The following UQCRB variants were observed in gnomAD, a reference collection of about 807,000 sequenced individuals.
The protein encoded by UQCRB is ubiquinol-cytochrome c reductase binding protein.
UQCRB carries 12 observed loss-of-function variants against 19.8 expected under a neutral mutation model. The observed-to-expected ratio is 0.61, with a 90% CI of 0.39 to 0.98. The LOEUF (loss-of-function observed/expected upper bound fraction) is 0.98, where lower values mean the gene tolerates loss of function less well. UQCRB is among the 50% of genes least tolerant of loss of function. The probability of loss-of-function intolerance (pLI) is 0.00; values close to 1 mark genes in which losing one functional copy is unlikely to be tolerated. For synonymous variants in UQCRB, 39 were observed against 42.9 expected (o/e 0.91, Z 0.35); for missense variants, 142 against 131.8 (o/e 1.08, Z -0.38).
chr8:96,223,936 G>A lies in UQCRB; in HGVS notation c.*7119C>T, dbSNP rs1388297896. On this transcript the variant is annotated 3_prime_UTR_variant, in exon 4 of 4. Coordinates refer to ENST00000287022, the MANE Select transcript of UQCRB (RefSeq NM_006294.5). ...GTGGGGGTGGTAGAAGCCAGGCTTT[G>A]GAAGGCCACTCCCTTCAACTGGAAC... Among the ~76,000 whole-genome samples, 2 of 152,154 alleles carry A rather than the reference G, an allele frequency of 1.3e-5. No individual in the cohort carries two copies. Among genetic ancestry groups the A allele is most frequent in the Admixed American group, 1.3e-4 (2 of 15,284 alleles).
At chr8:96,233,423 T>C in intron 1 of UQCRB, 196 bp from the exon 2 acceptor site, 1 of 560,664 alleles carries the variant, frequency 1.8e-6, no homozygotes, top group Non-Finnish European at 3.1e-6. Context: ...TTATACTCTA[T>C]AAAATGTTGA....
chr8:96,223,682 G>A lies in UQCRB; in HGVS notation c.*7373C>T, dbSNP rs573620282. 1.9e-4 allele frequency among the ~76,000 whole-genome samples: 29 copies of A among 152,176 alleles called. No individual in the cohort carries two copies. The highest frequency in any genetic ancestry group is 3.7e-4 in the Non-Finnish European group (25 of 68,034). On this transcript the variant is annotated 3_prime_UTR_variant, in exon 4 of 4. Transcript: ENST00000287022. ...GGTGAGGATTGCAAGTGCCATTGCA[G>A]GGGACTGAGAATAGAAGGAAAAAAG...
Position 96,229,734 on chromosome 8 carries a change from G to C in UQCRB, c.*1321C>G, listed in dbSNP as rs1342972371. ...CAAAAGAAAATTGACATGATTTCAG[G>C]ATAGGTTTAGAAAAATAACGACCAG... On this transcript the variant is annotated 3_prime_UTR_variant, in exon 4 of 4. Transcript: ENST00000287022. 1 of 450,672 alleles carries C rather than the reference G, an allele frequency of 2.2e-6. No individual in the cohort carries two copies. Among genetic ancestry groups the C allele is most frequent in the Non-Finnish European group, 4.4e-6 (1 of 226,194 alleles). The allele number at this position is 450,672 out of a possible 1,614,324, so 27.9% of individuals were successfully genotyped here.
Position 96,226,374 on chromosome 8 carries a change from G to C in UQCRB, c.*4681C>G. 6.1e-6 allele frequency: 1 copy of C among 165,082 alleles called. No individual in the cohort carries two copies. Among genetic ancestry groups the C allele is most frequent in the South Asian group, 1.6e-4 (1 of 6,134 alleles). The allele number at this position is 165,082 out of a possible 1,614,324, so 10.2% of individuals were successfully genotyped here. The stretch of plus-strand genomic sequence containing the variant: ...AATAAAGAGCGTAAGTTAAATCACA[G>C]ACCCAGAATGTTTTGGTACTGAAAT... On this transcript the variant is annotated 3_prime_UTR_variant, in exon 4 of 4. Transcript: ENST00000287022.
In UQCRB at chr8:96,229,937, C is replaced by CCA; in HGVS notation, c.*1116_*1117dup. ...TGTTATTTGAGGTAAGGCATTCCTG[C>CCA]CACACACAGCAATGACTTGTCCTGG... On this transcript the variant is annotated 3_prime_UTR_variant, in exon 4 of 4. Coordinates refer to ENST00000287022, the MANE Select transcript of UQCRB (RefSeq NM_006294.5). 1 of 454,090 alleles carries CCA rather than the reference C, an allele frequency of 2.2e-6. No homozygotes were observed. The highest frequency in any genetic ancestry group is 4.4e-6 in the Non-Finnish European group (1 of 226,794). The allele number at this position is 454,090 out of a possible 1,614,324, so 28.1% of individuals were successfully genotyped here. A position where few individuals can be genotyped will look rare whatever the true frequency, so the allele number is the denominator to read the frequency against.
intron 1 of UQCRB, chr8:96,234,014 G>A (rs1809739150): frequency 6.5e-6 from 1 of 153,366 alleles, no homozygotes; most frequent in African/African-American, 2.4e-5. Flanking sequence ...AAGTACAGCA[G>A]GACCGTATCT....
rs1390679370 is a variant in UQCRB at position 96,227,132 on chromosome 8, T to G, written c.*3923A>C. On this transcript the variant is annotated 3_prime_UTR_variant, in exon 4 of 4. Transcript: ENST00000287022. ...TCCTTATACAGTCATCTGGTATGTT[T>G]AAAGAGTGAGCAATCATATAAAAGG... 2.2e-6 allele frequency: 1 copy of G among 452,112 alleles called. No homozygotes were observed. The highest frequency in any genetic ancestry group is 1.6e-5 in the South Asian group (1 of 64,212). 28.0% of individuals were successfully genotyped at this position (452,112 alleles called of 1,614,324 possible). A position where few individuals can be genotyped will look rare whatever the true frequency, so the allele number is the denominator to read the frequency against.
rs1196108861 is a variant in UQCRB, at chr8:96,223,238, G to A, written c.*7817C>T. 6.6e-6 allele frequency among the ~76,000 whole-genome samples: 1 copy of A among 152,180 alleles called. No individual in the cohort carries two copies. The highest frequency in any genetic ancestry group is 1.9e-4 in the East Asian group (1 of 5,194). ...AATGGATATTTTAATTTGCTTGCCTGTAGTAATCATTTCACTATGTATATT... is the reference window on the plus strand; with the variant it reads ...AATGGATATTTTAATTTGCTTGCCTATAGTAATCATTTCACTATGTATATT... On this transcript the variant is annotated 3_prime_UTR_variant, in exon 4 of 4. Coordinates refer to ENST00000287022, the MANE Select transcript of UQCRB (RefSeq NM_006294.5).
rs139971705 is a variant in UQCRB at position 96,231,197 on chromosome 8, G to A, written c.259-65C>T. The A allele has an allele frequency of 7.4e-3, 11,912 of 1,613,596 alleles. 60 individuals carry two copies. Among genetic ancestry groups the A allele is most frequent in the Non-Finnish European group, 8.5e-3 (9,972 of 1,179,844 alleles). Reference sequence around the variant, plus strand: ...CTGATATATCCCAAACACTCAACAGGTCTTCAATAACAAGAAAAAAGCAAT... The same window carrying A: ...CTGATATATCCCAAACACTCAACAGATCTTCAATAACAAGAAAAAAGCAAT... On this transcript the variant is annotated intron_variant, in intron 3 of 3. Transcript: ENST00000287022.
At position 96,229,081 on chromosome 8, in the gene UQCRB, T is replaced by C. The variant is rs1167160810; in HGVS notation, c.*1974A>G. On this transcript the variant is annotated 3_prime_UTR_variant, in exon 4 of 4. Coordinates refer to ENST00000287022, the MANE Select transcript of UQCRB (RefSeq NM_006294.5). Reference sequence around the variant, plus strand: ...CAAGCAGGACGATAACCATAATTTATAATGAACACAAAACATTGATCTAGT... The same window carrying C: ...CAAGCAGGACGATAACCATAATTTACAATGAACACAAAACATTGATCTAGT... 1 of 453,982 alleles carries C rather than the reference T, an allele frequency of 2.2e-6. No individual in the cohort carries two copies. The highest frequency in any genetic ancestry group is 4.4e-6 in the Non-Finnish European group (1 of 226,778). 28.1% of individuals were successfully genotyped at this position (453,982 alleles called of 1,614,324 possible). A position where few individuals can be genotyped will look rare whatever the true frequency, so the allele number is the denominator to read the frequency against.
chr8:96,234,592 A>C, intron 1 of UQCRB: 61 of 1,008,512 alleles, frequency 6.0e-5, no homozygotes, highest in East Asian at 1.2e-4. Flanking sequence ...CAAAAAGCTC[A>C]ATGTCAATTA....
Position 96,227,810 on chromosome 8 carries a change from A to G in UQCRB, c.*3245T>C. ...GCTTGAAAAGGGAGTCCTTAAAGTAAATAACTAAATGAAATCACTACCAAA... is the reference window on the plus strand; with the variant it reads ...GCTTGAAAAGGGAGTCCTTAAAGTAGATAACTAAATGAAATCACTACCAAA... On this transcript the variant is annotated 3_prime_UTR_variant, in exon 4 of 4. Transcript: ENST00000287022. The G allele has an allele frequency of 2.2e-6, 1 of 453,626 alleles. No individual in the cohort carries two copies. The highest frequency in any genetic ancestry group is 4.4e-6 in the Non-Finnish European group (1 of 226,648). The allele number at this position is 453,626 out of a possible 1,614,324, so 28.1% of individuals were successfully genotyped here. A position where few individuals can be genotyped will look rare whatever the true frequency, so the allele number is the denominator to read the frequency against.
Position 96,227,258 on chromosome 8 carries a change from AG to A in UQCRB, c.*3796del, listed in dbSNP as rs778122197. On this transcript the variant is annotated 3_prime_UTR_variant, in exon 4 of 4. Transcript: ENST00000287022. ...ATTAGATTTCATTACATCAGTATAT[AG>A]CTTAGTAGTAAATTCTCCTGATGGC... is the stretch of plus-strand genomic sequence containing the variant. The A allele has an allele frequency of 1.7e-4, 76 of 454,110 alleles. No individual in the cohort carries two copies. The East Asian group carries it at 3.5e-3, about 21-fold the overall frequency. 28.1% of individuals were successfully genotyped at this position (454,110 alleles called of 1,614,324 possible).
chr8:96,227,325 G>T lies in UQCRB; in HGVS notation c.*3730C>A. On this transcript the variant is annotated 3_prime_UTR_variant, in exon 4 of 4. Transcript: ENST00000287022. Reference sequence around the variant, plus strand: ...TGTTGTCATCCTGAAAAATGAAGGAGGGGAGGGAGTTGGTGGGGCGCAGAA... The same window carrying T: ...TGTTGTCATCCTGAAAAATGAAGGATGGGAGGGAGTTGGTGGGGCGCAGAA... 2 of 454,114 alleles carry T rather than the reference G, an allele frequency of 4.4e-6. No homozygotes were observed. The highest frequency in any genetic ancestry group is 3.1e-5 in the South Asian group (2 of 64,476). 28.1% of individuals were successfully genotyped at this position (454,114 alleles called of 1,614,324 possible). A position where few individuals can be genotyped will look rare whatever the true frequency, so the allele number is the denominator to read the frequency against.
intron 3 of UQCRB, chr8:96,231,551 C>T: frequency 6.9e-7 from 1 of 1,439,696 alleles, no homozygotes; most frequent in Admixed American, 2.0e-5. Flanking sequence ...AGTCCTGGCT[C>T]TCTATATTAG....
At position 96,229,838 on chromosome 8, in the gene UQCRB, C is replaced by T. The variant is rs113695491; in HGVS notation, c.*1217G>A. ...ATATTTTAGCAAAAATTTAAAGATG[C>T]TCTTTATGATACACACATTTCTCAT... On this transcript the variant is annotated 3_prime_UTR_variant, in exon 4 of 4. Coordinates refer to ENST00000287022, the MANE Select transcript of UQCRB (RefSeq NM_006294.5). 2.9e-5 allele frequency: 13 copies of T among 453,714 alleles called. No homozygotes were observed. The highest frequency in any genetic ancestry group is 2.6e-4 in the African/African-American group (13 of 49,920). The allele number at this position is 453,714 out of a possible 1,614,324, so 28.1% of individuals were successfully genotyped here.
In UQCRB at chr8:96,223,941, G is replaced by T. The variant is rs893330008; in HGVS notation, c.*7114C>A. On this transcript the variant is annotated 3_prime_UTR_variant, in exon 4 of 4. Coordinates refer to ENST00000287022, the MANE Select transcript of UQCRB (RefSeq NM_006294.5). ...GGTGGTAGAAGCCAGGCTTTGGAAGGCCACTCCCTTCAACTGGAACTAGTG... is the reference window on the plus strand; with the variant it reads ...GGTGGTAGAAGCCAGGCTTTGGAAGTCCACTCCCTTCAACTGGAACTAGTG... Among the ~76,000 whole-genome samples, 3 of 152,152 alleles carry T rather than the reference G, an allele frequency of 2.0e-5. No individual in the cohort carries two copies. The highest frequency in any genetic ancestry group is 2.1e-4 in the South Asian group (1 of 4,824).
chr8:96,231,487 G>A, intron 3 of UQCRB: 2 of 1,534,436 alleles, frequency 1.3e-6, no homozygotes, highest in Non-Finnish European at 1.7e-6. Context: ...TAAGTAGGAA[G>A]CAGAGTGCAG....
At position 96,227,638 on chromosome 8, in the gene UQCRB, AGTTTG is replaced by A. The variant is rs1410033872; in HGVS notation, c.*3412_*3416del. The A allele has an allele frequency of 2.2e-6, 1 of 454,090 alleles. No homozygotes were observed. The highest frequency in any genetic ancestry group is 1.6e-5 in the South Asian group (1 of 64,480). The allele number at this position is 454,090 out of a possible 1,614,324, so 28.1% of individuals were successfully genotyped here. A position where few individuals can be genotyped will look rare whatever the true frequency, so the allele number is the denominator to read the frequency against. ...TTCACCTAACTTTTTAATTCCAAGT[AGTTTG>A]GTTATTTTCAAAGCTACACACAGGA... On this transcript the variant is annotated 3_prime_UTR_variant, in exon 4 of 4. Transcript: ENST00000287022.
Sources: allele counts gnomAD v4.1 joint callset (sites outside exome capture counted in the v4.1 genomes callset), GRCh38; gene constraint gnomAD v4.1.1; transcripts MANE v1.5; gene names NCBI Gene and HGNC (gene_info 2026-07-23, HGNC 2026-07-21).